BICRAL: variants seen among roughly 807,000 people sequenced by gnomAD.
The protein encoded by BICRAL is BRD4-interacting chromatin-remodeling complex-associated protein-like.
A neutral mutation model predicts 91.8 loss-of-function variants in BICRAL; 8 were observed. That is an observed-to-expected ratio of 0.09 (90% confidence interval 0.05 to 0.16). BICRAL has a LOEUF of 0.16. BICRAL is among the 10% of genes least tolerant of loss of function. The pLI, the probability that BICRAL is intolerant of heterozygous loss-of-function variation, is 1.00. For missense variants in BICRAL, 1,038 were observed against 1,310.9 expected (o/e 0.79, Z 3.21); for synonymous variants, 445 against 491.1 (o/e 0.91, Z 1.24).
In BICRAL at chr6:42,795,190, G is replaced by A. The variant is rs190054607; in HGVS notation, c.-102+13089G>A. On this transcript the variant is annotated intron_variant, in intron 1 of 12. Coordinates refer to ENST00000314073, the MANE Select transcript of BICRAL (RefSeq NM_001393499.1). ...CTCACACCTGTAATCCCAGCACTTTGGGAGGCCAAGACTGGTGGATCACCT... is the reference window on the plus strand; with the variant it reads ...CTCACACCTGTAATCCCAGCACTTTAGGAGGCCAAGACTGGTGGATCACCT... 9.2e-5 allele frequency among the ~76,000 whole-genome samples: 14 copies of A among 152,246 alleles called. No individual in the cohort carries two copies. The South Asian group carries it at 2.1e-3, about 23-fold the overall frequency.
chr6:42,848,043 G>C (rs1165806266), intron 6 of BICRAL, among the ~76,000 whole-genome samples: 1 of 151,970 alleles, frequency 6.6e-6, no homozygotes, highest in Non-Finnish European at 1.5e-5. Flanking sequence ...GCAGGAGAAC[G>C]GCGTGAACCC....
chr6:42,843,256 G>A (rs1401635971), intron 6 of BICRAL, among the ~76,000 whole-genome samples: 1 of 152,164 alleles, frequency 6.6e-6, no homozygotes, highest in African/African-American at 2.4e-5. Context: ...TCCTGAGGTG[G>A]TGGTCTCTGA....
chr6:42,770,840 G>A (rs1448357014), intron 1 of BICRAL, among the ~76,000 whole-genome samples: 2 of 151,430 alleles, frequency 1.3e-5, no homozygotes, highest in East Asian at 1.9e-4. Context: ...CCAGGTGCCC[G>A]CCACCACGCC....
At chr6:42,859,922 G>A (rs1369494484) in intron 10 of BICRAL, among the ~76,000 whole-genome samples, 1 of 152,152 alleles carries the variant, frequency 6.6e-6, no homozygotes, top group East Asian at 1.9e-4. Flanking sequence ...TGGGATTACA[G>A]GCATGAGCCA....
At chr6:42,785,818 G>C (rs1020742404) in intron 1 of BICRAL, among the ~76,000 whole-genome samples, 3 of 152,068 alleles carry the variant, frequency 2.0e-5, no homozygotes, top group African/African-American at 4.8e-5. Flanking sequence ...CACTTCGGGA[G>C]GCCGAGGTGG....
At chr6:42,812,336 T>C (rs1396609680) in intron 2 of BICRAL, among the ~76,000 whole-genome samples, 2 of 152,062 alleles carry the variant, frequency 1.3e-5, no homozygotes, top group African/African-American at 4.8e-5. Context: ...CTCATGCCTG[T>C]AATCCCATTA....
Position 42,866,044 on chromosome 6 carries a change from A to T in BICRAL, c.*598A>T, listed in dbSNP as rs1203237668. 6.6e-6 allele frequency: 1 copy of T among 152,442 alleles called. No individual in the cohort carries two copies. The highest frequency in any genetic ancestry group is 1.5e-5 in the Non-Finnish European group (1 of 68,306). The allele number at this position is 152,442 out of a possible 1,614,324, so 9.4% of individuals were successfully genotyped here. Reference sequence around the variant, plus strand: ...GCTGGCTGTGCTGCCAGGGACCCGCAGCCCTGGTGGAAAAGCCAGTAGCAC... The same window carrying T: ...GCTGGCTGTGCTGCCAGGGACCCGCTGCCCTGGTGGAAAAGCCAGTAGCAC... On this transcript the variant is annotated 3_prime_UTR_variant, in exon 13 of 13. Coordinates refer to ENST00000314073, the MANE Select transcript of BICRAL (RefSeq NM_001393499.1).
Position 42,864,680 on chromosome 6 carries a change from G to A in BICRAL, c.2474G>A (p.Cys825Tyr), listed in dbSNP as rs771237606. The A allele has an allele frequency of 5.6e-6, 9 of 1,613,780 alleles. 1 individual carries two copies. In the South Asian group the frequency reaches 6.6e-5, roughly 12 times the overall value. Residue 825 changes from cysteine to tyrosine, a missense_variant, in exon 13 of 13, where the codon TGT becomes TAT. By Grantham distance (194) the Cys-to-Tyr change is radical. Transcript: ENST00000314073. ...CCAGAGGGTTTTCAGGCTGATTTCT[G>A]TTGTTCCTTCAAACTTGATAAAGCT... The part of the protein sequence containing the change: ...VDPEGFQADF[C>Y]CSFKLDKAAH...
At chr6:42,757,630 G>T (rs909035431) in intron 1 of BICRAL, among the ~76,000 whole-genome samples, 2 of 152,070 alleles carry the variant, frequency 1.3e-5, no homozygotes, top group Admixed American at 6.6e-5. Context: ...CAAGTGATCT[G>T]TCTGCCTCGG....
At chr6:42,758,950 A>G (rs114122960) in intron 1 of BICRAL, among the ~76,000 whole-genome samples, 227 of 152,332 alleles carry the variant, frequency 1.5e-3, no homozygotes, top group African/African-American at 5.3e-3. Flanking sequence ...GTCATGTGCA[A>G]CAAACCTGGA....
chr6:42,845,195 GTTTTTTTTTTTT>G (rs748804344), intron 6 of BICRAL, among the ~76,000 whole-genome samples: 3 of 25,612 alleles, frequency 1.2e-4, no homozygotes, highest in Admixed American at 6.7e-4. Flanking sequence ...TTTTTTGGGT[GTTTTTTTTTTTT>G]TTTTTTTTTT....
chr6:42,801,249 T>TAA (rs386406867), intron 1 of BICRAL, among the ~76,000 whole-genome samples: 57,638 of 134,104 alleles, frequency 0.43, 12,912 homozygotes, highest in African/African-American at 0.57. Flanking sequence ...AGACTCTGTT[T>TAA]AAAAAAAAAA....
chr6:42,788,812 G>A (rs1191114021), intron 1 of BICRAL, among the ~76,000 whole-genome samples: 3 of 152,196 alleles, frequency 2.0e-5, no homozygotes, highest in South Asian at 4.1e-4. Context: ...TAGTTTCAAT[G>A]CTGGGCATTG....
In BICRAL at chr6:42,824,472, G is replaced by A. The variant is rs574193555; in HGVS notation, c.159+1469G>A. ...CAATTCTCCTGCCTCAGCTTCCCTA[G>A]TAGCTGGGATTACAGGTACCCACCA... On this transcript the variant is annotated intron_variant, in intron 5 of 12. Coordinates refer to ENST00000314073, the MANE Select transcript of BICRAL (RefSeq NM_001393499.1). 3.3e-5 allele frequency among the ~76,000 whole-genome samples: 5 copies of A among 152,146 alleles called. No individual in the cohort carries two copies. The East Asian group carries it at 9.7e-4, about 30-fold the overall frequency.
chr6:42,765,898 C>T (rs750469721), intron 1 of BICRAL, among the ~76,000 whole-genome samples: 3 of 151,966 alleles, frequency 2.0e-5, no homozygotes, highest in Admixed American at 6.6e-5. Context: ...GTGTAGAAAT[C>T]GTTTAAAAAG....
intron 6 of BICRAL, among the ~76,000 whole-genome samples, chr6:42,850,576 T>C (rs1040418223): frequency 8.6e-5 from 13 of 150,722 alleles, no homozygotes; most frequent in Admixed American, 7.3e-4. Context: ...GAAGTAGTAA[T>C]GGCACAGAGG....
intron 1 of BICRAL, among the ~76,000 whole-genome samples, chr6:42,800,556 T>C (rs1332613595): frequency 8.7e-6 from 1 of 115,330 alleles, no homozygotes; most frequent in African/African-American, 4.2e-5. Context: ...TTTTTTCTTT[T>C]CTTTTTTTTT....
intron 5 of BICRAL, among the ~76,000 whole-genome samples, chr6:42,824,876 A>T (rs1206659518): frequency 6.6e-6 from 1 of 152,162 alleles, no homozygotes; most frequent in Non-Finnish European, 1.5e-5. Flanking sequence ...TAATCCCACC[A>T]TTTTAGGAGG....
chr6:42,865,639 A>T lies in BICRAL; in HGVS notation c.*193A>T. ...TAAGAGCAATACTTGTCGTGATTAC[A>T]GGGAGATCCTTTAGTAAAATTAATC... On this transcript the variant is annotated 3_prime_UTR_variant, in exon 13 of 13. Transcript: ENST00000314073. 1 of 556,738 alleles carries T rather than the reference A, an allele frequency of 1.8e-6. No homozygotes were observed. Among genetic ancestry groups the T allele is most frequent in the South Asian group, 2.6e-5 (1 of 38,964 alleles). 34.5% of individuals were successfully genotyped at this position (556,738 alleles called of 1,614,324 possible).
Sources: gnomAD v4.1 joint callset for allele counts (sites outside exome capture counted in the v4.1 genomes callset) on GRCh38, gnomAD v4.1.1 for gene constraint, MANE v1.5 for transcripts, NCBI Gene and HGNC (gene_info 2026-07-23, HGNC 2026-07-21) for gene names.